PPP2R1B: variants seen among roughly 807,000 people sequenced by gnomAD.
The protein encoded by PPP2R1B is protein phosphatase 2 scaffold subunit Abeta, also known as serine/threonine-protein phosphatase 2A 65 kDa regulatory subunit A beta isoform.
Under a neutral mutation model 72.7 loss-of-function variants are expected in PPP2R1B, and 58 were observed. The ratio of observed to expected loss-of-function variants is 0.80; its 90% CI spans 0.65 to 0.99. The LOEUF is 0.99. Ranked by LOEUF, PPP2R1B falls within the 50% of genes least tolerant of loss-of-function variation. The pLI is 0.00. For synonymous variants in PPP2R1B, 256 were observed against 264.6 expected (o/e 0.97, Z 0.32); for missense variants, 695 against 733.6 (o/e 0.95, Z 0.61).
chr11:111,714,830 C>G, the PPP2R1B span, among the ~76,000 whole-genome samples: 1 of 152,298 alleles, frequency 6.6e-6, no homozygotes, highest in African/African-American at 2.4e-5. Flanking sequence ...TGCCTAGGGA[C>G]AGTCTTTCTT....
At chr11:111,726,449 G>A (rs146596911), downstream of PPP2R1B, 32 of 154,508 alleles carry the variant, frequency 2.1e-4, no homozygotes, top group East Asian at 4.8e-3. Flanking sequence ...ACACGGCAGC[G>A]GCGTGGACAC....
In PPP2R1B at chr11:111,760,743, C is replaced by A. The variant is rs1945293091; in HGVS notation, c.539+76G>T. 21 of 1,312,002 alleles carry A rather than the reference C, an allele frequency of 1.6e-5. No homozygotes were observed. The East Asian group carries it at 5.3e-4, about 33-fold the overall frequency. The allele number at this position is 1,312,002 out of a possible 1,614,324, so 81.3% of individuals were successfully genotyped here. Reference sequence around the variant, plus strand: ...ACTATGTAAATTGTCAGCTACAAGTCCCCAGTAATCCCAAATAACTCATAG... The same window carrying A: ...ACTATGTAAATTGTCAGCTACAAGTACCCAGTAATCCCAAATAACTCATAG... On this transcript the variant is annotated intron_variant, in intron 4 of 14. Transcript: ENST00000527614.
At chr11:111,724,000 A>G, downstream of PPP2R1B, 1 of 1,614,190 alleles carries the variant, frequency 6.2e-7, no homozygotes, top group East Asian at 2.2e-5. Context: ...ACTGTCCCAG[A>G]AGCCCAGGAC....
intron 10 of PPP2R1B, 71 bp from the exon 11 acceptor site, chr11:111,748,085 C>A: frequency 7.0e-7 from 1 of 1,419,506 alleles, no homozygotes; most frequent in South Asian, 1.2e-5. Context: ...ATTTACATTA[C>A]ACCAAGGTTA....
the PPP2R1B span, among the ~76,000 whole-genome samples, chr11:111,700,572 A>G: frequency 9.9e-5 from 15 of 152,220 alleles, no homozygotes; most frequent in African/African-American, 3.6e-4. Flanking sequence ...TAAGATTATC[A>G]AATACTAGTT....
At chr11:111,707,719 AT>A in the PPP2R1B span, among the ~76,000 whole-genome samples, 1 of 152,120 alleles carries the variant, frequency 6.6e-6, no homozygotes, top group African/African-American at 2.4e-5. Flanking sequence ...TGATGTTCTA[AT>A]TTTTTTAAAA....
chr11:111,743,533 G>A lies in PPP2R1B; in HGVS notation c.1400-3C>T. On this transcript the variant is annotated splice_region_variant and splice_polypyrimidine_tract_variant and intron_variant, in intron 11 of 14. Coordinates refer to ENST00000527614, the MANE Select transcript of PPP2R1B (RefSeq NM_002716.5). ...GGCAGCTTCTCGGATGGCGTATACTGCAGAAGAGGTCAAAAACATGTTCTC... is the reference window on the plus strand; with the variant it reads ...GGCAGCTTCTCGGATGGCGTATACTACAGAAGAGGTCAAAAACATGTTCTC... The A allele has an allele frequency of 6.2e-7, 1 of 1,601,272 alleles. No homozygotes were observed. Among genetic ancestry groups the A allele is most frequent in the Non-Finnish European group, 8.5e-7 (1 of 1,176,802 alleles).
At chr11:111,722,019 C>A (rs1351166763), downstream of PPP2R1B, 6 of 1,147,458 alleles carry the variant, frequency 5.2e-6, no homozygotes, top group East Asian at 1.5e-4. The surrounding 1 kb of genome is among the most constrained non-coding windows in gnomAD (Gnocchi z 4.4). Context: ...ACGTGTTTTG[C>A]CTGGCATTTA....
At chr11:111,716,137 G>T in the PPP2R1B span, among the ~76,000 whole-genome samples, 3 of 152,154 alleles carry the variant, frequency 2.0e-5, no homozygotes, top group Non-Finnish European at 2.9e-5. Flanking sequence ...GTAATAAAAG[G>T]ATTTTCCGAA....
At chr11:111,737,790 C>T (rs897739603), downstream of PPP2R1B, 7 of 1,311,914 alleles carry the variant, frequency 5.3e-6, no homozygotes, top group East Asian at 8.4e-5. Flanking sequence ...GCCACCCCAT[C>T]GGGCCTTTTG....
At chr11:111,711,329 G>T in the PPP2R1B span, among the ~76,000 whole-genome samples, 1,021 of 152,194 alleles carry the variant, frequency 6.7e-3, 33 homozygotes, top group Admixed American at 0.048. Context: ...CACCATGTTA[G>T]CCAGGATGGT....
At chr11:111,720,981 T>C in the PPP2R1B span, 1 of 1,614,220 alleles carries the variant, frequency 6.2e-7, no homozygotes, top group African/African-American at 1.3e-5. Context: ...AGTTGTTGTA[T>C]GAACAAATAG....
chr11:111,732,775 A>C (rs2136013289), intron 15 of PPP2R1B, among the ~76,000 whole-genome samples: 1 of 152,330 alleles, frequency 6.6e-6, no homozygotes, highest in Admixed American at 6.5e-5. Context: ...GATCCAGGTG[A>C]CAGGGAGCCT....
the PPP2R1B span, among the ~76,000 whole-genome samples, chr11:111,710,622 T>G: frequency 1.3e-5 from 2 of 152,222 alleles, no homozygotes; most frequent in Non-Finnish European, 2.9e-5. Flanking sequence ...ATTTGAAGGC[T>G]TTAGGAAGAA....
At chr11:111,765,235 G>T in intron 2 of PPP2R1B, 59 bp downstream of exon 2, 1 of 1,489,606 alleles carries the variant, frequency 6.7e-7, no homozygotes, top group African/African-American at 1.4e-5. Context: ...AAAAGTCAGT[G>T]TTGAAAGCTA....
downstream of PPP2R1B, among the ~76,000 whole-genome samples, chr11:111,734,482 G>A (rs752802629): frequency 3.3e-5 from 5 of 152,206 alleles, no homozygotes; most frequent in Non-Finnish European, 7.3e-5. Context: ...GCCTGGGGGA[G>A]TCTTTTTGTG....
intron 11 of PPP2R1B, among the ~76,000 whole-genome samples, chr11:111,745,933 A>C (rs932285144): frequency 3.3e-5 from 5 of 152,226 alleles, no homozygotes; most frequent in Non-Finnish European, 7.3e-5. Context: ...AGTACAAAAC[A>C]ATTTCAGAGC....
At chr11:111,760,056 G>A in intron 4 of PPP2R1B, 105 bp from the exon 5 acceptor site, 1 of 1,207,430 alleles carries the variant, frequency 8.3e-7, no homozygotes, top group South Asian at 1.7e-5. Context: ...ACAATAATCA[G>A]TGACTAAGCT....
At chr11:111,751,788 A>G (rs2136076338) in intron 10 of PPP2R1B, among the ~76,000 whole-genome samples, 1 of 152,270 alleles carries the variant, frequency 6.6e-6, no homozygotes, top group South Asian at 2.1e-4. Context: ...GACCAGCCTG[A>G]CCAACATGGT....
Sources: gnomAD v4.1 joint callset for allele counts (sites outside exome capture counted in the v4.1 genomes callset) on GRCh38, gnomAD v4.1.1 for gene constraint, Gnocchi (gnomAD v3.1) non-coding constraint, MANE v1.5 for transcripts, NCBI Gene and HGNC (gene_info 2026-07-23, HGNC 2026-07-21) for gene names.